CPZ: variants seen among roughly 807,000 people sequenced by gnomAD.
CPZ encodes the protein VEZT/CPZ fusion.
A neutral mutation model predicts 61.8 loss-of-function variants in CPZ; 103 were observed. The ratio of observed to expected loss-of-function variants is 1.67; its 90% CI spans 1.42 to 1.96. The LOEUF is 1.96. Among genes scored for constraint, CPZ ranks in the 30% most tolerant of loss-of-function variants. The pLI, the probability that CPZ is intolerant of heterozygous loss-of-function variation, is 0.00. For missense variants in CPZ, 1,461 were observed against 914.9 expected (o/e 1.60, Z -7.70); for synonymous variants, 551 against 373.7 (o/e 1.47, Z -5.47).
chr4:8,605,283 G>T (rs969151810), intron 4 of CPZ, among the ~76,000 whole-genome samples: 2 of 146,764 alleles, frequency 1.4e-5, no homozygotes, highest in African/African-American at 2.6e-5. Flanking sequence ...AAGGCCATGG[G>T]GCCTGGTCCA....
In CPZ at chr4:8,614,397, G is replaced by C. The variant is rs1227500426; in HGVS notation, c.1402G>C (p.Glu468Gln). 6.2e-7 allele frequency: 1 copy of C among 1,613,966 alleles called. No individual in the cohort carries two copies. The change falls in exon 9 of 11, where the codon GAG (glutamate) becomes CAG (glutamine). Residue 468 changes from glutamate (E) to glutamine (Q), a missense_variant. Transcript: ENST00000360986. ...CAACTACCTGCACACCAACTGCTTTGAGATCACGGTAGAGCTGGGCTGTGT... is the reference window on the plus strand; with the variant it reads ...CAACTACCTGCACACCAACTGCTTTCAGATCACGGTAGAGCTGGGCTGTGT... ...DFNYLHTNCFEITVELGCVKF... is the reference protein window; with the variant it reads ...DFNYLHTNCFQITVELGCVKF...
chr4:8,612,153 T>C lies in CPZ; in HGVS notation c.1354T>C (p.Phe452Leu). The change falls in exon 8 of 11, where the codon TTC becomes CTC. Residue 452 changes from phenylalanine (F) to leucine (L), a missense_variant. Transcript: ENST00000360986. ...CATCAACGGGGCGGACTGGTACAGCTTCACGGGAGGTGCGGCTTCCGCAGG... is the reference window on the plus strand; with the variant it reads ...CATCAACGGGGCGGACTGGTACAGCCTCACGGGAGGTGCGGCTTCCGCAGG... ...SIINGADWYS[F>L]TGGMSDFNYL... The C allele has an allele frequency of 6.9e-7, 1 of 1,440,248 alleles. No homozygotes were observed. The highest frequency in any genetic ancestry group is 1.3e-5 in the South Asian group (1 of 77,176). 89.2% of individuals were successfully genotyped at this position (1,440,248 alleles called of 1,614,324 possible).
At position 8,619,402 on chromosome 4, in the gene CPZ, C is replaced by T. The variant is rs1378214851; in HGVS notation, c.1744C>T (p.Gln582Ter). Residue 582 changes from glutamine to a stop codon, truncating the protein, a stop_gained, in exon 11 of 11, where the codon CAA becomes TAA. Coordinates refer to ENST00000360986, the MANE Select transcript of CPZ (RefSeq NM_001014447.3). LOFTEE classifies it low-confidence loss of function (END_TRUNC). Reference protein sequence around the residue: ...KRAGRVDFILQPLGMGPKNFI... With the variant: ...KRAGRVDFIL ...GGCTGGCCGTGTGGACTTCATTCTG[C>T]AACCTCTGGGGATGGGACCCAAGAA... The T allele has an allele frequency of 7.4e-6, 12 of 1,614,200 alleles. No individual in the cohort carries two copies. The highest frequency in any genetic ancestry group is 1.0e-5 in the Non-Finnish European group (12 of 1,180,016).
chr4:8,601,537 C>G, intron 3 of CPZ, 40 bp downstream of exon 3: 1 of 1,429,062 alleles, frequency 7.0e-7, no homozygotes, highest in South Asian at 1.5e-5. Context: ...TCATGGGGTC[C>G]AGGTGGTCAA....
intron 3 of CPZ, 152 bp downstream of exon 3, chr4:8,601,649 T>G: frequency 1.2e-6 from 1 of 854,258 alleles, no homozygotes; most frequent in Non-Finnish European, 1.7e-6. Context: ...AGGCAGCATG[T>G]TCCCCACAAA....
intron 9 of CPZ, among the ~76,000 whole-genome samples, chr4:8,616,291 G>A (rs1282901081): frequency 2.0e-5 from 3 of 152,172 alleles, no homozygotes; most frequent in Admixed American, 1.3e-4. Flanking sequence ...GAGGGGAGGG[G>A]CGGCGTGGCA....
In CPZ at chr4:8,619,272, T is replaced by C. The variant is rs574152804; in HGVS notation, c.1614T>C (p.Gly538=). Residue 538 remains glycine (G), a synonymous_variant, in exon 11 of 11, where the codon GGT becomes GGC. Transcript: ENST00000360986. The part of the protein sequence containing the change: ...IRHDITTAPD[G]DYWRLLPPGI... ...TCTATTTGTCCACAGCCCCAGATGG[T>C]GACTACTGGAGACTGCTGCCCCCAG... The C allele has an allele frequency of 3.1e-6, 5 of 1,610,422 alleles. No individual in the cohort carries two copies. In the African/African-American group the frequency reaches 4.0e-5, roughly 13 times the overall value.
chr4:8,603,738 A>G, intron 3 of CPZ: 1 of 570,684 alleles, frequency 1.8e-6, no homozygotes, highest in East Asian at 3.0e-5. Context: ...GCCCCATAGT[A>G]TGTTTACTCA....
At chr4:8,611,932 G>A (rs186451516) in intron 7 of CPZ, 95 bp from the exon 8 acceptor site, 78 of 1,556,946 alleles carry the variant, frequency 5.0e-5, no homozygotes, top group Admixed American at 1.1e-4. Flanking sequence ...TGCAATGCAG[G>A]TGTTTGCACG....
chr4:8,601,014 C>G lies in CPZ; in HGVS notation c.122-109C>G, dbSNP rs914569040. ...GTCCTCCCCTGCCAGACCGTGGGTG[C>G]CCCTCCCTGCAGGCCCTGGCCCTGC... On this transcript the variant is annotated intron_variant, in intron 2 of 10. Coordinates refer to ENST00000360986, the MANE Select transcript of CPZ (RefSeq NM_001014447.3). 1.7e-5 allele frequency: 24 copies of G among 1,435,876 alleles called. No homozygotes were observed. The African/African-American group carries it at 3.0e-4, about 18-fold the overall frequency. 88.9% of individuals were successfully genotyped at this position (1,435,876 alleles called of 1,614,324 possible).
chr4:8,600,106 C>A (rs1323935524), intron 2 of CPZ: 9 of 152,164 alleles, frequency 5.9e-5, no homozygotes, highest in Admixed American at 2.6e-4. Flanking sequence ...AAGTCAATGA[C>A]ATATGTAAAA....
At chr4:8,595,602 C>T (rs1196100337) in intron 1 of CPZ, among the ~76,000 whole-genome samples, 1 of 152,234 alleles carries the variant, frequency 6.6e-6, no homozygotes, top group Non-Finnish European at 1.5e-5. Flanking sequence ...GTTGCAGCCC[C>T]CGAGGGCTCC....
At chr4:8,619,067 G>A (rs1490733874) in intron 10 of CPZ, among the ~76,000 whole-genome samples, 195 bp from the exon 11 acceptor site, 2 of 152,162 alleles carry the variant, frequency 1.3e-5, no homozygotes, top group African/African-American at 2.4e-5. Context: ...GGGTGCCTAA[G>A]CAGGGTTTTG....
At chr4:8,612,185 C>CCTG in intron 8 of CPZ, 23 bp downstream of exon 8, 1 of 249,206 alleles carries the variant, frequency 4.0e-6, no homozygotes, top group South Asian at 1.8e-4. Context: ...CAGGGCGGGA[C>CCTG]TGGGCGGGGG....
At chr4:8,593,234 G>T (rs1713929931) in intron 1 of CPZ, among the ~76,000 whole-genome samples, 1 of 152,204 alleles carries the variant, frequency 6.6e-6, no homozygotes, top group South Asian at 2.1e-4. Context: ...CCTGCAGGTG[G>T]GTTCGAGGGA....
intron 7 of CPZ, among the ~76,000 whole-genome samples, chr4:8,608,818 G>C (rs899129977): frequency 2.0e-5 from 3 of 152,168 alleles, no homozygotes; most frequent in African/African-American, 4.8e-5. Flanking sequence ...CAGGCCACCT[G>C]GTGCAGAGAC....
rs183419085 is a variant in CPZ at position 8,612,556 on chromosome 4, C to T, written c.1363+394C>T. On this transcript the variant is annotated intron_variant, in intron 8 of 10. Coordinates refer to ENST00000360986, the MANE Select transcript of CPZ (RefSeq NM_001014447.3). Reference sequence around the variant, plus strand: ...AGGACAATGTAAGGATGTTCCAATGCGTGGGATATGCTTACAAGAACCCGC... The same window carrying T: ...AGGACAATGTAAGGATGTTCCAATGTGTGGGATATGCTTACAAGAACCCGC... Among the ~76,000 whole-genome samples, 349 of 152,316 alleles carry T rather than the reference C, an allele frequency of 2.3e-3. 4 individuals are homozygous for T. Among genetic ancestry groups the T allele is most frequent in the African/African-American group, 7.9e-3 (330 of 41,568 alleles).
rs191030992 is a variant in CPZ, at chr4:8,598,807, T to C, written c.89-646T>C. ...CAGAGGCCTTACTGTTGGGTTCACA[T>C]GTCTGGGTTCAGAAAGGGCCCTCGA... On this transcript the variant is annotated intron_variant, in intron 1 of 10. Coordinates refer to ENST00000360986, the MANE Select transcript of CPZ (RefSeq NM_001014447.3). Among the ~76,000 whole-genome samples, 4 of 152,320 alleles carry C rather than the reference T, an allele frequency of 2.6e-5. No individual in the cohort carries two copies. The East Asian group carries it at 5.8e-4, about 22-fold the overall frequency.
In CPZ at chr4:8,619,342, A is replaced by G; in HGVS notation, c.1684A>G (p.Ile562Val). The G allele has an allele frequency of 6.2e-7, 1 of 1,614,198 alleles. No individual in the cohort carries two copies. The highest frequency in any genetic ancestry group is 8.5e-7 in the Non-Finnish European group (1 of 1,180,004). The stretch of plus-strand genomic sequence containing the variant: ...CCAAGCCCCTGGCTACGCCAAAGTC[A>G]TCAAGAAAGTCATCATCCCCGCCCG... ...IAQAPGYAKV[I>V]KKVIIPARMK... Residue 562 changes from isoleucine (I) to valine (V), a missense_variant, in exon 11 of 11, where the codon ATC becomes GTC. Transcript: ENST00000360986.
Sources: allele counts gnomAD v4.1 joint callset (sites outside exome capture counted in the v4.1 genomes callset), GRCh38; gene constraint gnomAD v4.1.1; transcripts MANE v1.5; gene names NCBI Gene and HGNC (gene_info 2026-07-23, HGNC 2026-07-21).